FOXO1: variants seen among roughly 807,000 people sequenced by gnomAD.
FOXO1 encodes the protein forkhead box protein O1.
Under a neutral mutation model 44.1 loss-of-function variants are expected in FOXO1, and 6 were observed. The observed-to-expected ratio is 0.14, with a 90% CI of 0.07 to 0.27. The LOEUF is 0.27. Ranked by LOEUF, FOXO1 falls within the 10% of genes least tolerant of loss-of-function variation. The probability of loss-of-function intolerance (pLI) is 1.00; values close to 1 mark genes in which losing one functional copy is unlikely to be tolerated. For missense variants in FOXO1, 737 were observed against 888.8 expected, an observed-to-expected ratio of 0.83 and a Z score of 2.17; for synonymous variants, 380 against 362.7, an observed-to-expected ratio of 1.05 and a Z score of -0.54.
intron 1 of FOXO1, among the ~76,000 whole-genome samples, chr13:40,587,548 G>T (rs1035039246): frequency 2.0e-5 from 3 of 152,154 alleles, no homozygotes; most frequent in Non-Finnish European, 4.4e-5. Flanking sequence ...TTTGCTAAAA[G>T]ACTCAAGGAC....
intron 1 of FOXO1, among the ~76,000 whole-genome samples, chr13:40,617,587 T>C (rs1193376237): frequency 1.3e-5 from 2 of 151,742 alleles, no homozygotes; most frequent in South Asian, 2.1e-4. Context: ...TCTCATCTAA[T>C]AGAGACACAG....
At chr13:40,623,983 A>T (rs1230965485) in intron 1 of FOXO1, among the ~76,000 whole-genome samples, 2 of 150,534 alleles carry the variant, frequency 1.3e-5, no homozygotes, top group Non-Finnish European at 3.0e-5. Flanking sequence ...GCACGCCTGT[A>T]GTCCCAGCTA....
intron 1 of FOXO1, among the ~76,000 whole-genome samples, chr13:40,663,748 A>G (rs927203314): frequency 7.2e-5 from 11 of 152,250 alleles, no homozygotes; most frequent in African/African-American, 2.4e-4. Context: ...TAATGAAGCG[A>G]TAAGTGATAC....
intron 1 of FOXO1, among the ~76,000 whole-genome samples, chr13:40,586,027 T>G (rs1371749829): frequency 6.6e-6 from 1 of 152,188 alleles, no homozygotes. Flanking sequence ...ATATATGGAT[T>G]CATCTACCTG....
At chr13:40,596,673 G>C (rs1374878371) in intron 1 of FOXO1, among the ~76,000 whole-genome samples, 1 of 152,160 alleles carries the variant, frequency 6.6e-6, no homozygotes, top group Non-Finnish European at 1.5e-5. Flanking sequence ...CCATCCTTCT[G>C]CAACTGTCTT....
intron 1 of FOXO1, among the ~76,000 whole-genome samples, chr13:40,577,717 C>T (rs1046930209): frequency 6.6e-6 from 1 of 152,126 alleles, no homozygotes; most frequent in Middle Eastern, 3.4e-3. Context: ...AAGTTTTTGT[C>T]GTCGGGATTT....
intron 1 of FOXO1, among the ~76,000 whole-genome samples, chr13:40,614,042 G>C (rs1876327733): frequency 6.6e-6 from 1 of 152,132 alleles, no homozygotes; most frequent in Non-Finnish European, 1.5e-5. Flanking sequence ...GGTTTCCAAA[G>C]GTATTTTCCA....
At chr13:40,631,784 T>C (rs975790861) in intron 1 of FOXO1, among the ~76,000 whole-genome samples, 1 of 152,226 alleles carries the variant, frequency 6.6e-6, no homozygotes, top group Non-Finnish European at 1.5e-5. Context: ...GAAGTTATTG[T>C]TTAACAGACA....
At chr13:40,627,251 A>G (rs1442840168) in intron 1 of FOXO1, among the ~76,000 whole-genome samples, 2 of 152,100 alleles carry the variant, frequency 1.3e-5, no homozygotes, top group African/African-American at 2.4e-5. Flanking sequence ...ACAACTGTTC[A>G]TTTTTCCCAA....
At chr13:40,660,783 T>TA (rs1232917562) in intron 1 of FOXO1, among the ~76,000 whole-genome samples, 4 of 151,878 alleles carry the variant, frequency 2.6e-5, no homozygotes, top group Admixed American at 6.6e-5. Context: ...GTTTGTCACT[T>TA]AAAAAAAACT....
chr13:40,569,723 T>C (rs1874408091), intron 1 of FOXO1, among the ~76,000 whole-genome samples: 2 of 152,168 alleles, frequency 1.3e-5, no homozygotes, highest in Non-Finnish European at 2.9e-5. Flanking sequence ...GTCCAGGATG[T>C]TGTTCAAGTT....
intron 1 of FOXO1, among the ~76,000 whole-genome samples, chr13:40,608,245 T>C (rs1876094841): frequency 6.6e-6 from 1 of 152,232 alleles, no homozygotes; most frequent in Non-Finnish European, 1.5e-5. Context: ...AAAGTACACT[T>C]TTCTCCTTCT....
At chr13:40,659,864 G>A (rs1025082063) in intron 1 of FOXO1, among the ~76,000 whole-genome samples, 5 of 152,172 alleles carry the variant, frequency 3.3e-5, no homozygotes, top group South Asian at 2.1e-4. Context: ...AATAGCCAAC[G>A]TACAAAAATG....
At chr13:40,606,254 C>T (rs181817056) in intron 1 of FOXO1, among the ~76,000 whole-genome samples, 1 of 152,272 alleles carries the variant, frequency 6.6e-6, no homozygotes, top group African/African-American at 2.4e-5. Flanking sequence ...TAGCCTAAAA[C>T]GGACTACTTC....
At chr13:40,607,248 A>G (rs17061448) in intron 1 of FOXO1, among the ~76,000 whole-genome samples, 1,540 of 152,286 alleles carry the variant, frequency 0.01, 33 homozygotes, top group African/African-American at 0.034. Flanking sequence ...CGTTGCAACC[A>G]TGCTTCCTCG....
At chr13:40,564,393 T>C (rs1874176144) in intron 1 of FOXO1, among the ~76,000 whole-genome samples, 1 of 152,196 alleles carries the variant, frequency 6.6e-6, no homozygotes. Flanking sequence ...TTCCTAACTT[T>C]GCCAACAATT....
intron 1 of FOXO1, among the ~76,000 whole-genome samples, chr13:40,568,878 T>C (rs2137834378): frequency 6.6e-6 from 1 of 152,346 alleles, no homozygotes; most frequent in East Asian, 1.9e-4. Flanking sequence ...TCTTGTTTTA[T>C]GTTAGGGAAA....
intron 1 of FOXO1, among the ~76,000 whole-genome samples, chr13:40,639,699 A>G (rs1249235481): frequency 6.6e-6 from 1 of 152,210 alleles, no homozygotes; most frequent in Non-Finnish European, 1.5e-5. Context: ...TGCCAGTAGC[A>G]ACACATCCCC....
intron 1 of FOXO1, among the ~76,000 whole-genome samples, chr13:40,566,368 C>G (rs1874268468): frequency 6.6e-6 from 1 of 150,824 alleles, no homozygotes; most frequent in Non-Finnish European, 1.5e-5. Flanking sequence ...TTACAACTTT[C>G]ATTGACTTTC....
Sources: gnomAD v4.1 joint callset for allele counts (sites outside exome capture counted in the v4.1 genomes callset) on GRCh38, gnomAD v4.1.1 for gene constraint, MANE v1.5 for transcripts, NCBI Gene and HGNC (gene_info 2026-07-23, HGNC 2026-07-21) for gene names.